CDT1: variants seen among roughly 807,000 people sequenced by gnomAD.
CDT1 encodes the protein DNA replication factor Cdt1.
In CDT1, 66 loss-of-function variants were observed where a neutral mutation model predicts 49.3. That is an observed-to-expected ratio of 1.34 (90% CI 1.10 to 1.64). The LOEUF (loss-of-function observed/expected upper bound fraction) is 1.64. Among genes scored for constraint, CDT1 ranks in the 40% most tolerant of loss-of-function variants. The probability of loss-of-function intolerance (pLI) is 0.00; values close to 1 mark genes in which losing one functional copy is unlikely to be tolerated. For synonymous variants in CDT1, 424 were observed against 347.4 expected (o/e 1.22, Z -2.45); for missense variants, 958 against 807.7 (o/e 1.19, Z -2.26).
At chr16:88,807,977 T>TC in intron 9 of CDT1, 138 bp from the exon 10 acceptor site, 1 of 927,908 alleles carries the variant, frequency 1.1e-6, no homozygotes, top group Admixed American at 2.0e-5. Flanking sequence ...CAGAACCACC[T>TC]CTGCCCTAAG....
At position 88,807,195 on chromosome 16, in the gene CDT1, C is replaced by T. The variant is rs1172918049; in HGVS notation, c.1267C>T (p.Leu423=). 20 of 1,612,272 alleles carry T rather than the reference C, an allele frequency of 1.2e-5. No homozygotes were observed. The highest frequency in any genetic ancestry group is 1.6e-5 in the Non-Finnish European group (19 of 1,179,786). Residue 423 remains leucine (L), a synonymous_variant, in exon 8 of 10, where the codon CTG becomes TTG. Coordinates refer to ENST00000301019, the MANE Select transcript of CDT1 (RefSeq NM_030928.4). ...TCTGAAGGGGGTGTCCCAGGATCTG[C>T]TGGAGCGGGTGAGTCGTCCCCAGTG... ...SALKGVSQDL[L]ERIRAKEAQK...
intron 3 of CDT1, 57 bp downstream of exon 3, chr16:88,804,955 G>A (rs1295698897): frequency 6.6e-7 from 1 of 1,525,550 alleles, no homozygotes; most frequent in East Asian, 2.5e-5. Flanking sequence ...GGTGGCAGGC[G>A]TGGCCCAGCG....
rs761648635 is a variant in CDT1, at chr16:88,806,608, C to T, written c.1056C>T (p.Pro352=). Residue 352 remains proline, a synonymous_variant, in exon 7 of 10, where the codon CCC becomes CCT. Transcript: ENST00000301019. ...AGCCGGCCGCGCTGCCCCAGCCACC[C>T]GCCACGGAGAAGCTCACCACTGCTC... The part of the protein sequence containing the change: ...DIEPAALPQP[P]ATEKLTTAQE... The T allele has an allele frequency of 2.9e-5, 46 of 1,611,362 alleles. No individual in the cohort carries two copies. In the South Asian group the frequency reaches 3.2e-4, roughly 11 times the overall value.
Position 88,806,624 on chromosome 16 carries a change from A to G in CDT1, c.1072A>G (p.Thr358Ala), listed in dbSNP as rs1908866860. ...CCAGCCACCCGCCACGGAGAAGCTC[A>G]CCACTGCTCAGGAGGTGCTGGCCCG... ...LPQPPATEKL[T>A]TAQEVLARAR... is the part of the protein sequence containing the mutation. Residue 358 changes from threonine to alanine, a missense_variant, in exon 7 of 10, where the codon ACC becomes GCC. Transcript: ENST00000301019. The G allele has an allele frequency of 3.1e-6, 5 of 1,611,646 alleles. No individual in the cohort carries two copies. The South Asian group carries it at 4.4e-5, about 14-fold the overall frequency.
At chr16:88,806,333 G>T in intron 6 of CDT1, 153 bp from the exon 7 acceptor site, 1 of 1,064,166 alleles carries the variant, frequency 9.4e-7, no homozygotes, top group Non-Finnish European at 1.4e-6. Flanking sequence ...ACCATGGGAG[G>T]CCTTGTGCTC....
At chr16:88,806,718 G>GGGCC in intron 7 of CDT1, 44 bp downstream of exon 7, 1 of 1,554,894 alleles carries the variant, frequency 6.4e-7, no homozygotes, top group Non-Finnish European at 8.7e-7. Context: ...CCGGGTGGGT[G>GGGCC]GGCCAGCCTG....
rs1285888584 is a variant in CDT1, at chr16:88,804,037, G to T, written c.206G>T (p.Arg69Ile). ...CAGGCCAGGCCACCGGCCCGCAGGA[G>T]ACTGCGGCTGTCGGTGGACGAGGTG... ...RDQARPPARR[R>I]LRLSVDEVSS... The change falls in exon 1 of 10, where the codon AGA becomes ATA. Residue 69 changes from arginine (R) to isoleucine (I), a missense_variant. By Grantham distance (97) the Arg-to-Ile change is moderately conservative (BLOSUM62 -3). Coordinates refer to ENST00000301019, the MANE Select transcript of CDT1 (RefSeq NM_030928.4). 5.5e-6 allele frequency: 8 copies of T among 1,454,510 alleles called. No homozygotes were observed. The African/African-American group carries it at 6.0e-5, about 11-fold the overall frequency. The allele number at this position is 1,454,510 out of a possible 1,614,324, so 90.1% of individuals were successfully genotyped here.
intron 7 of CDT1, 114 bp from the exon 8 acceptor site, chr16:88,806,937 C>T (rs1340565162): frequency 1.4e-6 from 2 of 1,418,196 alleles, no homozygotes; most frequent in African/African-American, 1.4e-5. Flanking sequence ...CGGCACAGAC[C>T]ACCCAGTGTG....
In CDT1 at chr16:88,808,146, C is replaced by A; in HGVS notation, c.1509C>A (p.Ser503=). The part of the protein sequence containing the change: ...GEMEKHLLLL[S]ELLPDWLSLH... ...TGGAGAAGCACCTGCTGCTCCTCTC[C>A]GAGCTGCTGCCGGACTGGCTCAGCC... Residue 503 remains serine, a synonymous_variant, in exon 10 of 10, where the codon TCC becomes TCA. Transcript: ENST00000301019. 6.2e-7 allele frequency: 1 copy of A among 1,612,752 alleles called. No homozygotes were observed. The highest frequency in any genetic ancestry group is 1.3e-5 in the African/African-American group (1 of 75,064).
rs1908958411 is a variant in CDT1 at position 88,808,473 on chromosome 16, C to T, written c.*195C>T. 9.6e-6 allele frequency: 6 copies of T among 625,886 alleles called. No individual in the cohort carries two copies. Among genetic ancestry groups the T allele is most frequent in the Middle Eastern group, 4.4e-4 (1 of 2,284 alleles). 38.8% of individuals were successfully genotyped at this position (625,886 alleles called of 1,614,324 possible). On this transcript the variant is annotated 3_prime_UTR_variant, in exon 10 of 10. Coordinates refer to ENST00000301019, the MANE Select transcript of CDT1 (RefSeq NM_030928.4). ...GGGCGGTGGGCCCCTTCATGGGGCT[C>T]ACCTGGTGGATTCACATTAAACCGG...
In CDT1 at chr16:88,805,746, G is replaced by A. The variant is rs919041444; in HGVS notation, c.709G>A (p.Gly237Ser). The A allele has an allele frequency of 5.0e-6, 8 of 1,612,930 alleles. No individual in the cohort carries two copies. The African/African-American group carries it at 1.1e-4, about 22-fold the overall frequency. The change falls in exon 5 of 10, where the codon GGC becomes AGC. Residue 237 changes from glycine (G) to serine (S), a missense_variant. Gly to Ser is a moderately conservative substitution (Grantham distance 56). Coordinates refer to ENST00000301019, the MANE Select transcript of CDT1 (RefSeq NM_030928.4). The stretch of plus-strand genomic sequence containing the variant: ...TAGGCGTTTTGAGGAGTGCAATGTT[G>A]GCCAGATCAAAACCGTGTACCCGGC... ...MRRRFEECNVGQIKTVYPASY... is the reference protein window; with the variant it reads ...MRRRFEECNVSQIKTVYPASY...
chr16:88,805,710 C>G lies in CDT1; in HGVS notation c.687-14C>G, dbSNP rs753375373. 5 of 1,612,736 alleles carry G rather than the reference C, an allele frequency of 3.1e-6. No individual in the cohort carries two copies. Among genetic ancestry groups the G allele is most frequent in the Non-Finnish European group, 4.2e-6 (5 of 1,180,014 alleles). ...CCCGGGCCTGCCTCCTGAGCCGCCC[C>G]CATCCTCCCATAGGCGTTTTGAGGA... On this transcript the variant is annotated splice_polypyrimidine_tract_variant and intron_variant, in intron 4 of 9. Coordinates refer to ENST00000301019, the MANE Select transcript of CDT1 (RefSeq NM_030928.4).
rs1382784205 is a variant in CDT1 at position 88,803,998 on chromosome 16, C to T, written c.167C>T (p.Ala56Val). 1.0e-5 allele frequency: 15 copies of T among 1,451,772 alleles called. No homozygotes were observed. The highest frequency in any genetic ancestry group is 2.6e-5 in the Admixed American group (1 of 38,938). The allele number at this position is 1,451,772 out of a possible 1,614,324, so 89.9% of individuals were successfully genotyped here. A position where few individuals can be genotyped will look rare whatever the true frequency, so the allele number is the denominator to read the frequency against. ...GSRKRARPPAAPGRDQARPPA... is the reference protein window; with the variant it reads ...GSRKRARPPAVPGRDQARPPA... Reference sequence around the variant, plus strand: ...CGCAAGCGCGCCCGCCCGCCCGCCGCCCCCGGACGCGACCAGGCCAGGCCA... The same window carrying T: ...CGCAAGCGCGCCCGCCCGCCCGCCGTCCCCGGACGCGACCAGGCCAGGCCA... Residue 56 changes from alanine to valine, a missense_variant, in exon 1 of 10, where the codon GCC becomes GTC. Transcript: ENST00000301019.
rs544489602 is a variant in CDT1, at chr16:88,805,532, C to T, written c.581C>T (p.Ala194Val). The stretch of plus-strand genomic sequence containing the variant: ...CTGCCCTACAAGTACCAGGTGCTGG[C>T]GGAGATGTTCCGCAGCATGGACACC... The part of the protein sequence containing the change: ...LVLPYKYQVL[A>V]EMFRSMDTIV... The change falls in exon 4 of 10, where the codon GCG becomes GTG. Residue 194 changes from alanine (A) to valine (V), a missense_variant. By Grantham distance (64) the Ala-to-Val change is moderately conservative. Coordinates refer to ENST00000301019, the MANE Select transcript of CDT1 (RefSeq NM_030928.4). The T allele has an allele frequency of 7.0e-5, 113 of 1,612,902 alleles. 2 individuals carry two copies. The South Asian group carries it at 8.6e-4, about 12-fold the overall frequency.
rs147217711 is a variant in CDT1, at chr16:88,804,833, G to A, written c.423G>A (p.Lys141=). The change falls in exon 3 of 10, where the codon AAG becomes AAA. Residue 141 remains lysine (K), a synonymous_variant. Transcript: ENST00000301019. ...TGGGGGCAAGAGTCCGGGCGCTGAA[G>A]GCCAGTGCCCAGGATGCTGGGGAGT... ...RELGARVRAL[K]ASAQDAGESC... is the part of the protein sequence containing the mutation. The A allele has an allele frequency of 3.7e-6, 6 of 1,612,192 alleles. No homozygotes were observed. The highest frequency in any genetic ancestry group is 1.7e-5 in the Admixed American group (1 of 59,990).
At position 88,805,492 on chromosome 16, in the gene CDT1, C is replaced by T. The variant is rs747865155; in HGVS notation, c.541C>T (p.Leu181=). The T allele has an allele frequency of 1.9e-6, 3 of 1,612,872 alleles. No individual in the cohort carries two copies. The highest frequency in any genetic ancestry group is 1.6e-4 in the Middle Eastern group (1 of 6,062). The change falls in exon 4 of 10, where the codon CTG becomes TTG. Residue 181 remains leucine (L), a synonymous_variant. Coordinates refer to ENST00000301019, the MANE Select transcript of CDT1 (RefSeq NM_030928.4). The part of the protein sequence containing the change: ...QRFHALAQPG[L]PGLVLPYKYQ... Reference sequence around the variant, plus strand: ...CTTCCATGCCCTGGCCCAGCCCGGCCTGCCGGGACTCGTGCTGCCCTACAA... The same window carrying T: ...CTTCCATGCCCTGGCCCAGCCCGGCTTGCCGGGACTCGTGCTGCCCTACAA...
chr16:88,804,933 A>G (rs1414704184), intron 3 of CDT1, 35 bp downstream of exon 3: 2 of 1,536,010 alleles, frequency 1.3e-6, no homozygotes, highest in African/African-American at 2.7e-5. Context: ...AGGCCCCGGC[A>G]AAGGCCGGGT....
In CDT1 at chr16:88,804,907, T is replaced by G. The variant is rs1422183610; in HGVS notation, c.488+9T>G. On this transcript the variant is annotated intron_variant, in intron 3 of 9. Transcript: ENST00000301019. ...CGCCCTGAGGAGCCATGGTGAGTGC[T>G]GGGTGGGCGGCCACGAGGCCCCGGC... The G allele has an allele frequency of 1.9e-6, 3 of 1,546,332 alleles. No individual in the cohort carries two copies. Among genetic ancestry groups the G allele is most frequent in the Non-Finnish European group, 2.6e-6 (3 of 1,151,218 alleles).
At chr16:88,804,464 C>T in intron 1 of CDT1, 81 bp from the exon 2 acceptor site, 3 of 1,550,458 alleles carry the variant, frequency 1.9e-6, no homozygotes, top group Non-Finnish European at 1.7e-6. Context: ...CTCAGAGCGG[C>T]TTCTGATCCT....
Sources: gnomAD v4.1 joint callset for allele counts on GRCh38, gnomAD v4.1.1 for gene constraint, MANE v1.5 for transcripts, NCBI Gene and HGNC (gene_info 2026-07-23, HGNC 2026-07-21) for gene names.